The following FBXO15 variants were observed in gnomAD, a reference collection of about 807,000 sequenced individuals.
FBXO15 encodes the protein F-box protein 15, also known as F-box only protein 15.
In FBXO15, 30 loss-of-function variants were observed where a neutral mutation model predicts 49.5. The observed-to-expected ratio is 0.61, with a 90% confidence interval of 0.45 to 0.82. The LOEUF (loss-of-function observed/expected upper bound fraction) is 0.82, where lower values mean the gene tolerates loss of function less well. Ranked by LOEUF, FBXO15 falls within the 40% of genes least tolerant of loss-of-function variation. The pLI, the probability that FBXO15 is intolerant of heterozygous loss-of-function variation, is 0.00. For synonymous variants in FBXO15, 250 were observed against 232.7 expected (o/e 1.07, Z -0.68); for missense variants, 591 against 631.5 (o/e 0.94, Z 0.69).
intron 9 of FBXO15, among the ~76,000 whole-genome samples, chr18:74,079,235 C>T (rs1912386767): frequency 6.6e-6 from 1 of 152,168 alleles, no homozygotes; most frequent in Non-Finnish European, 1.5e-5. Context: ...CTGATAGGCG[C>T]TGGGAGGAGA....
intron 3 of FBXO15, among the ~76,000 whole-genome samples, chr18:74,132,128 C>T (rs1225140516): frequency 2.0e-5 from 3 of 152,204 alleles, no homozygotes; most frequent in African/African-American, 7.2e-5. Flanking sequence ...GTTTTCAATT[C>T]AGAAATTTCT....
intron 8 of FBXO15, among the ~76,000 whole-genome samples, chr18:74,106,236 T>C (rs1382677736): frequency 6.6e-6 from 1 of 152,116 alleles, no homozygotes; most frequent in Non-Finnish European, 1.5e-5. Flanking sequence ...AGCTGAGTAT[T>C]TGCCTTTTAT....
At chr18:74,104,170 T>A (rs1913646088) in intron 8 of FBXO15, among the ~76,000 whole-genome samples, 1 of 152,162 alleles carries the variant, frequency 6.6e-6, no homozygotes, top group Non-Finnish European at 1.5e-5. Flanking sequence ...TTCTCATTTC[T>A]TTATTTGCGT....
intron 4 of FBXO15, 55 bp downstream of exon 4, chr18:74,130,361 C>A: frequency 6.2e-7 from 1 of 1,602,138 alleles, no homozygotes; most frequent in Non-Finnish European, 8.5e-7. Flanking sequence ...ATACGTCCTA[C>A]GTACACGATA....
At chr18:74,078,583 C>T (rs113004204) in intron 9 of FBXO15, 1 of 152,470 alleles carries the variant, frequency 6.6e-6, no homozygotes. Context: ...GAATAAATCA[C>T]TCCCAACCTT....
At chr18:74,079,200 A>G (rs1274829766) in intron 9 of FBXO15, among the ~76,000 whole-genome samples, 1 of 152,244 alleles carries the variant, frequency 6.6e-6, no homozygotes, top group African/African-American at 2.4e-5. Context: ...AGCCTCACCA[A>G]AAGAAAATCC....
At chr18:74,093,220 A>G (rs1390587187) in intron 8 of FBXO15, among the ~76,000 whole-genome samples, 1 of 125,126 alleles carries the variant, frequency 8.0e-6, no homozygotes, top group Non-Finnish European at 1.6e-5. Context: ...CTGGAAAGAA[A>G]GGTAAGGCAA....
intron 2 of FBXO15, among the ~76,000 whole-genome samples, chr18:74,138,515 G>A (rs549598288): frequency 1.3e-5 from 2 of 151,968 alleles, no homozygotes; most frequent in African/African-American, 4.8e-5. Context: ...TCTCACTGCC[G>A]CAGGTCCTCC....
At chr18:74,115,568 C>T (rs1914192059) in intron 8 of FBXO15, among the ~76,000 whole-genome samples, 1 of 152,176 alleles carries the variant, frequency 6.6e-6, no homozygotes, top group Admixed American at 6.5e-5. Context: ...TGCCTGAAAA[C>T]AAACACGAAT....
At chr18:74,115,246 G>C (rs1914178873) in intron 8 of FBXO15, among the ~76,000 whole-genome samples, 1 of 152,178 alleles carries the variant, frequency 6.6e-6, no homozygotes, top group African/African-American at 2.4e-5. Flanking sequence ...TGGCTGAGCT[G>C]GGAGATGTTG....
intron 2 of FBXO15, among the ~76,000 whole-genome samples, chr18:74,137,840 TTG>T (rs958976800): frequency 2.2e-4 from 34 of 152,342 alleles, no homozygotes; most frequent in African/African-American, 7.2e-4. Context: ...GAATGTTAAT[TTG>T]TGCGTGTTCA....
intron 1 of FBXO15, among the ~76,000 whole-genome samples, chr18:74,143,231 A>G (rs1979195833): frequency 6.6e-6 from 1 of 152,242 alleles, no homozygotes; most frequent in Non-Finnish European, 1.5e-5. Context: ...CTGAATCAGT[A>G]ACAGCTTTTT....
At chr18:74,131,401 G>A (rs1798023653) in intron 3 of FBXO15, among the ~76,000 whole-genome samples, 1 of 152,164 alleles carries the variant, frequency 6.6e-6, no homozygotes, top group African/African-American at 2.4e-5. Context: ...GTGAAGCTGG[G>A]ATCGGAACCA....
chr18:74,144,748 AAAG>A (rs533940314), intron 1 of FBXO15, among the ~76,000 whole-genome samples: 162 of 152,342 alleles, frequency 1.1e-3, no homozygotes, highest in African/African-American at 3.5e-3. Context: ...TTTTGCAGAC[AAAG>A]AAGATGCTCT....
At position 74,074,100 on chromosome 18, in the gene FBXO15, C is replaced by T. The variant is rs1912156001; in HGVS notation, c.1264-370G>A. ...AGTCAGCGCTTCCGAGCGTGAGGCA[C>T]CGCATCACCCTGAGAAGCAGTGTGC... is the stretch of plus-strand genomic sequence containing the variant. On this transcript the variant is annotated intron_variant, in intron 9 of 9. Transcript: ENST00000419743. This position sits in a 1 kb window ranked among gnomAD's most constrained non-coding sequence, Gnocchi z 4.7. Among the ~76,000 whole-genome samples, 2 of 152,176 alleles carry T rather than the reference C, an allele frequency of 1.3e-5. No homozygotes were observed. The highest frequency in any genetic ancestry group is 4.8e-5 in the African/African-American group (2 of 41,438).
At chr18:74,131,556 C>T (rs972765146) in intron 3 of FBXO15, among the ~76,000 whole-genome samples, 7 of 152,166 alleles carry the variant, frequency 4.6e-5, no homozygotes, top group Non-Finnish European at 8.8e-5. Context: ...AAAGTCTGTT[C>T]CTTCCACTCA....
intron 8 of FBXO15, among the ~76,000 whole-genome samples, chr18:74,120,888 T>A (rs1014952557): frequency 6.6e-6 from 1 of 151,798 alleles, no homozygotes; most frequent in South Asian, 2.1e-4. Context: ...AAGTTAGGTA[T>A]CTGAGAAGAT....
At chr18:74,128,085 T>C (rs964881454) in intron 5 of FBXO15, among the ~76,000 whole-genome samples, 1 of 152,184 alleles carries the variant, frequency 6.6e-6, no homozygotes, top group East Asian at 1.9e-4. Flanking sequence ...CAAATAAAAG[T>C]ACCATTTTTT....
At chr18:74,125,593 A>G (rs1914672993) in intron 6 of FBXO15, among the ~76,000 whole-genome samples, 1 of 152,228 alleles carries the variant, frequency 6.6e-6, no homozygotes, top group Non-Finnish European at 1.5e-5. Context: ...TGCTGAACAC[A>G]TAGTAAGGGA....
Sources: gnomAD v4.1 joint callset for allele counts (sites outside exome capture counted in the v4.1 genomes callset) on GRCh38, gnomAD v4.1.1 for gene constraint, Gnocchi (gnomAD v3.1) non-coding constraint, MANE v1.5 for transcripts, NCBI Gene and HGNC (gene_info 2026-07-23, HGNC 2026-07-21) for gene names.